Variants in TMTC4 observed in about 807,000 individuals in gnomAD.
TMTC4 encodes transmembrane O-mannosyltransferase targeting cadherins 4.
TMTC4 carries 65 observed loss-of-function variants against 86.0 expected under a neutral mutation model. The observed-to-expected ratio is 0.76, with a 90% CI of 0.62 to 0.93. TMTC4 has a LOEUF of 0.93. TMTC4 is among the 40% of genes least tolerant of loss of function. The pLI is 0.00. For synonymous variants in TMTC4, 379 were observed against 382.5 expected (o/e 0.99, Z 0.11); for missense variants, 866 against 948.1 (o/e 0.91, Z 1.14).
Position 100,623,640 on chromosome 13 carries a change from G to GTTTTTTTT in TMTC4, c.1836+1894_1836+1895insAAAAAAAA, listed in dbSNP as rs71200708. ...GTCAGTTTTGGAAACTACTAGTTGG[G>GTTTTTTTT]TTTTGTTTTTTTTTTTTTTTTTTTT... On this transcript the variant is annotated intron_variant, in intron 15 of 18. Coordinates refer to ENST00000342624, the MANE Select transcript of TMTC4 (RefSeq NM_032813.5). Among the ~76,000 whole-genome samples, 24 of 96,176 alleles carry GTTTTTTTT rather than the reference G, an allele frequency of 2.5e-4. 9 individuals are homozygous for GTTTTTTTT. Among genetic ancestry groups the GTTTTTTTT allele is most frequent in the Admixed American group, 2.9e-4 (2 of 6,780 alleles). 63.1% of individuals were successfully genotyped at this position (96,176 alleles called of 152,430 possible). A position where few individuals can be genotyped will look rare whatever the true frequency, so the allele number is the denominator to read the frequency against.
chr13:100,627,272 G>A (rs1228246260), intron 12 of TMTC4, among the ~76,000 whole-genome samples: 9 of 152,348 alleles, frequency 5.9e-5, no homozygotes, highest in Admixed American at 2.0e-4. Context: ...AGGATCAGTC[G>A]TTGTCCTCAG....
intron 17 of TMTC4, among the ~76,000 whole-genome samples, chr13:100,607,037 C>T (rs1442261616): frequency 6.6e-6 from 1 of 152,208 alleles, no homozygotes; most frequent in Non-Finnish European, 1.5e-5. Flanking sequence ...TCACTTCCAA[C>T]CTGGCCCCTA....
At chr13:100,622,970 A>G (rs1879773255) in intron 15 of TMTC4, among the ~76,000 whole-genome samples, 1 of 152,170 alleles carries the variant, frequency 6.6e-6, no homozygotes, top group Admixed American at 6.5e-5. Flanking sequence ...ATAAGATTCT[A>G]TCTCCACAAC....
intron 4 of TMTC4, among the ~76,000 whole-genome samples, chr13:100,663,731 A>T (rs896197326): frequency 4.1e-4 from 63 of 152,092 alleles, no homozygotes; most frequent in African/African-American, 1.4e-3. Flanking sequence ...GTCTACTCAC[A>T]AGTGTTTAAA....
intron 15 of TMTC4, among the ~76,000 whole-genome samples, chr13:100,620,272 G>C (rs1277958623): frequency 6.6e-6 from 1 of 152,126 alleles, no homozygotes; most frequent in East Asian, 1.9e-4. Flanking sequence ...TGGGGAGAGG[G>C]GAGCAGTCCT....
chr13:100,627,115 G>C (rs1480961757), intron 12 of TMTC4, among the ~76,000 whole-genome samples: 1 of 152,220 alleles, frequency 6.6e-6, no homozygotes, highest in Non-Finnish European at 1.5e-5. Context: ...TGTGAGAAAT[G>C]AGTGTCTGGC....
At chr13:100,622,287 C>T in intron 15 of TMTC4, among the ~76,000 whole-genome samples, 1 of 152,206 alleles carries the variant, frequency 6.6e-6, no homozygotes, top group Non-Finnish European at 1.5e-5. Flanking sequence ...ATAATTCCTC[C>T]TTTCCACAGT....
intron 7 of TMTC4, among the ~76,000 whole-genome samples, chr13:100,641,963 C>T (rs1394694778): frequency 6.6e-6 from 1 of 152,176 alleles, no homozygotes; most frequent in Non-Finnish European, 1.5e-5. Context: ...TCATGGCTCC[C>T]TAAGAACTCC....
chr13:100,631,667 AGCT>A (rs1188928742), intron 12 of TMTC4, among the ~76,000 whole-genome samples: 3 of 152,180 alleles, frequency 2.0e-5, no homozygotes, highest in Non-Finnish European at 4.4e-5. Flanking sequence ...GATGAGTCTT[AGCT>A]CACACATCTG....
At chr13:100,644,580 C>T (rs1277681207) in intron 6 of TMTC4, among the ~76,000 whole-genome samples, 1 of 152,224 alleles carries the variant, frequency 6.6e-6, no homozygotes, top group Non-Finnish European at 1.5e-5. Flanking sequence ...AGCCTCCTCA[C>T]TCCCACACAG....
chr13:100,669,724 G>A lies in TMTC4; in HGVS notation c.3+636C>T, dbSNP rs57648536. Among the ~76,000 whole-genome samples, 894 of 152,082 alleles carry A rather than the reference G, an allele frequency of 5.9e-3. 13 individuals carry two copies. The highest frequency in any genetic ancestry group is 0.019 in the East Asian group (98 of 5,160). On this transcript the variant is annotated intron_variant, in intron 2 of 18. Coordinates refer to ENST00000342624, the MANE Select transcript of TMTC4 (RefSeq NM_032813.5). ...GGTCAGCGGTGCCTAACAGCTTCCCGCCTTGGAATTCGCCAAAACAAATCT... is the reference window on the plus strand; with the variant it reads ...GGTCAGCGGTGCCTAACAGCTTCCCACCTTGGAATTCGCCAAAACAAATCT...
intron 6 of TMTC4, among the ~76,000 whole-genome samples, chr13:100,648,015 T>C (rs989750565): frequency 6.6e-6 from 1 of 152,256 alleles, no homozygotes; most frequent in Admixed American, 6.5e-5. Flanking sequence ...TCTTTTTCCT[T>C]AGACTTCCGA....
At chr13:100,647,757 G>A (rs1018122604) in intron 6 of TMTC4, among the ~76,000 whole-genome samples, 2 of 152,124 alleles carry the variant, frequency 1.3e-5, no homozygotes, top group Non-Finnish European at 2.9e-5. Context: ...CGAAAGTGAT[G>A]GGCTCCTCTA....
chr13:100,616,030 C>A (rs551325337), intron 15 of TMTC4, among the ~76,000 whole-genome samples: 2 of 151,784 alleles, frequency 1.3e-5, no homozygotes, highest in African/African-American at 4.8e-5. Context: ...ATAGTGGCCT[C>A]CAGTGGCATC....
At chr13:100,670,192 T>A in intron 2 of TMTC4, 168 bp downstream of exon 2, 1 of 625,174 alleles carries the variant, frequency 1.6e-6, no homozygotes, top group East Asian at 3.3e-5. Context: ...AGCCCCCTGA[T>A]TGGGAAGGCA....
At chr13:100,627,299 C>T (rs115330351) in intron 12 of TMTC4, among the ~76,000 whole-genome samples, 3,282 of 152,280 alleles carry the variant, frequency 0.022, 58 homozygotes, top group Non-Finnish European at 0.034. Flanking sequence ...GAGGCCGGCG[C>T]GGGGCGGGGT....
In TMTC4 at chr13:100,640,172, T is replaced by C. The variant is rs558165557; in HGVS notation, c.741+2039A>G. Among the ~76,000 whole-genome samples the C allele has an allele frequency of 1.6e-4, 24 of 151,824 alleles. No individual in the cohort carries two copies. The Middle Eastern group carries it at 0.01, about 65-fold the overall frequency. Reference sequence around the variant, plus strand: ...AAACCAGCAGTTCTCAGGGACGATTTTGCCCTCCAGGGGGGTGTTTGGCAC... The same window carrying C: ...AAACCAGCAGTTCTCAGGGACGATTCTGCCCTCCAGGGGGGTGTTTGGCAC... On this transcript the variant is annotated intron_variant, in intron 7 of 18. Transcript: ENST00000342624.
intron 7 of TMTC4, among the ~76,000 whole-genome samples, chr13:100,641,792 C>A (rs1356789441): frequency 1.3e-5 from 2 of 152,122 alleles, no homozygotes; most frequent in Non-Finnish European, 2.9e-5. Context: ...CGGCCCTGTT[C>A]CTTCATTTCT....
intron 18 of TMTC4, among the ~76,000 whole-genome samples, chr13:100,606,002 C>T (rs1876525763): frequency 6.6e-6 from 1 of 152,184 alleles, no homozygotes; most frequent in Admixed American, 6.5e-5. Flanking sequence ...GAGGTAAGTT[C>T]AATGGCAAGC....
Sources: allele counts gnomAD v4.1 joint callset (sites outside exome capture counted in the v4.1 genomes callset), GRCh38; gene constraint gnomAD v4.1.1; transcripts MANE v1.5; gene names NCBI Gene and HGNC (gene_info 2026-07-23, HGNC 2026-07-21).